Variants in ZNF528 observed in about 807,000 individuals in gnomAD.
ZNF528 encodes the protein zinc finger protein 528.
Under a neutral mutation model 13.3 loss-of-function variants are expected in ZNF528, and 9 were observed. The observed-to-expected ratio is 0.67, with a 90% CI of 0.41 to 1.18. The LOEUF (loss-of-function observed/expected upper bound fraction) is 1.18, where lower values mean the gene tolerates loss of function less well. ZNF528 is among the 50% of genes most tolerant of loss of function. The pLI is 0.01. For synonymous variants in ZNF528, 264 were observed against 254.3 expected (o/e 1.04, Z -0.36); for missense variants, 858 against 745.4 (o/e 1.15, Z -1.76).
chr19:52,406,171 C>G, intron 5 of ZNF528, 138 bp downstream of exon 5: 1 of 1,168,832 alleles, frequency 8.6e-7, no homozygotes, highest in Non-Finnish European at 1.2e-6. Flanking sequence ...AACTGTATTA[C>G]ACTTTCTGGA....
chr19:52,412,122 T>C (rs2058938499), intron 6 of ZNF528: 1 of 152,196 alleles, frequency 6.6e-6, no homozygotes, highest in South Asian at 2.1e-4. Flanking sequence ...AGGCTATGGA[T>C]TGGGATAGAT....
At position 52,415,738 on chromosome 19, in the gene ZNF528, C is replaced by G. The variant is rs1228967191; in HGVS notation, c.886C>G (p.Pro296Ala). 2.5e-6 allele frequency: 4 copies of G among 1,613,980 alleles called. No homozygotes were observed. Among genetic ancestry groups the G allele is most frequent in the African/African-American group, 1.3e-5 (1 of 74,928 alleles). ...TCAAAGAATTCATACTGGAGAGAAG[C>G]CTTACAAATGTCATGAATGTGACAA... ...QHQRIHTGEKPYKCHECDKVF... is the reference protein window; with the variant it reads ...QHQRIHTGEKAYKCHECDKVF... The change falls in exon 7 of 7, where the codon CCT becomes GCT. Residue 296 changes from proline (P) to alanine (A), a missense_variant. Coordinates refer to ENST00000360465, the MANE Select transcript of ZNF528 (RefSeq NM_032423.3).
At chr19:52,399,986 C>T (rs1289129913) in intron 2 of ZNF528, among the ~76,000 whole-genome samples, 1 of 152,020 alleles carries the variant, frequency 6.6e-6, no homozygotes, top group African/African-American at 2.4e-5. Flanking sequence ...CTGTCTCAAA[C>T]AGTAAGGGGA....
intron 6 of ZNF528, 130 bp from the exon 7 acceptor site, chr19:52,414,994 C>T: frequency 6.5e-7 from 1 of 1,549,158 alleles, no homozygotes; most frequent in Non-Finnish European, 8.7e-7. Context: ...GCACTGCCAG[C>T]ATGATACACA....
In ZNF528 at chr19:52,415,520, G is replaced by A; in HGVS notation, c.668G>A (p.Ser223Asn). 6.2e-7 allele frequency: 1 copy of A among 1,614,184 alleles called. No homozygotes were observed. The highest frequency in any genetic ancestry group is 8.5e-7 in the Non-Finnish European group (1 of 1,180,036). Reference protein sequence around the residue: ...YKCSECGKVFSCSSKLVIHRR... With the variant: ...YKCSECGKVFNCSSKLVIHRR... ...TGCAGTGAATGTGGCAAGGTCTTTA[G>A]TTGCAGTTCAAAGCTTGTGATACAT... is the stretch of plus-strand genomic sequence containing the variant. Residue 223 changes from serine to asparagine, a missense_variant, in exon 7 of 7, where the codon AGT becomes AAT. Transcript: ENST00000360465.
rs146381631 is a variant in ZNF528 at position 52,416,371 on chromosome 19, A to T, written c.1519A>T (p.Asn507Tyr). ...RCGKVFSRSS[N>Y]LVCHQKIHTG... Reference sequence around the variant, plus strand: ...TGGCAAGGTCTTCAGTCGCAGTTCAAACCTGGTATGCCATCAGAAAATTCA... The same window carrying T: ...TGGCAAGGTCTTCAGTCGCAGTTCATACCTGGTATGCCATCAGAAAATTCA... The change falls in exon 7 of 7, where the codon AAC becomes TAC. Residue 507 changes from asparagine to tyrosine, a missense_variant. Transcript: ENST00000360465. The T allele has an allele frequency of 8.0e-3, 12,839 of 1,614,028 alleles. 80 individuals are homozygous for T. Among genetic ancestry groups the T allele is most frequent in the Non-Finnish European group, 9.0e-3 (10,583 of 1,179,950 alleles).
intron 2 of ZNF528, among the ~76,000 whole-genome samples, chr19:52,399,398 G>C (rs781226718): frequency 2.0e-5 from 3 of 152,150 alleles, no homozygotes; most frequent in Non-Finnish European, 2.9e-5. Context: ...GATCACTTGA[G>C]GTCAGGAGTT....
Position 52,416,241 on chromosome 19 carries a change from A to G in ZNF528, c.1389A>G (p.Lys463=). The G allele has an allele frequency of 1.2e-6, 2 of 1,613,796 alleles. No homozygotes were observed. The highest frequency in any genetic ancestry group is 1.3e-5 in the African/African-American group (1 of 74,994). Residue 463 remains lysine (K), a synonymous_variant, in exon 7 of 7, where the codon AAA becomes AAG. Transcript: ENST00000360465. ...TAHFLIHSGE[K]PYECKECGKV... ...ATTTTCTAATCCATAGTGGAGAGAA[A>G]CCTTATGAATGTAAAGAATGTGGCA...
chr19:52,406,101 C>G, intron 5 of ZNF528, 68 bp downstream of exon 5: 1 of 1,517,594 alleles, frequency 6.6e-7, no homozygotes, highest in Non-Finnish European at 8.9e-7. Context: ...TCTTATATGC[C>G]TCTTGGGAGC....
chr19:52,416,680 T>G lies in ZNF528; in HGVS notation c.1828T>G (p.Cys610Gly). The G allele has an allele frequency of 1.2e-6, 2 of 1,612,740 alleles. No homozygotes were observed. The highest frequency in any genetic ancestry group is 4.5e-5 in the East Asian group (2 of 44,816). ...IGEKPYKCTLCSKVFSHNSDL... is the reference protein window; with the variant it reads ...IGEKPYKCTLGSKVFSHNSDL... Reference sequence around the variant, plus strand: ...AGAGAAACCTTACAAATGCACCCTGTGCAGTAAGGTCTTCAGTCACAATTC... The same window carrying G: ...AGAGAAACCTTACAAATGCACCCTGGGCAGTAAGGTCTTCAGTCACAATTC... The change falls in exon 7 of 7, where the codon TGC (cysteine) becomes GGC (glycine). Residue 610 changes from cysteine to glycine, a missense_variant. Physicochemically the swap from Cys to Gly is radical, Grantham distance 159. Coordinates refer to ENST00000360465, the MANE Select transcript of ZNF528 (RefSeq NM_032423.3).
At position 52,416,149 on chromosome 19, in the gene ZNF528, G is replaced by A. The variant is rs559133339; in HGVS notation, c.1297G>A (p.Asp433Asn). 1.2e-6 allele frequency: 2 copies of A among 1,614,038 alleles called. No homozygotes were observed. Among genetic ancestry groups the A allele is most frequent in the South Asian group, 2.2e-5 (2 of 91,042 alleles). Residue 433 changes from aspartate to asparagine, a missense_variant, in exon 7 of 7, where the codon GAT (aspartate) becomes AAT (asparagine). Coordinates refer to ENST00000360465, the MANE Select transcript of ZNF528 (RefSeq NM_032423.3). The part of the protein sequence containing the change: ...DLIRHRKTHT[D>N]EKPYKCNKCG... ...TATACGACATCGAAAAACTCATACT[G>A]ATGAGAAGCCTTACAAATGTAATAA...
intron 6 of ZNF528, chr19:52,412,448 C>T (rs1013714140): frequency 6.6e-6 from 1 of 152,186 alleles, no homozygotes; most frequent in Non-Finnish European, 1.5e-5. Flanking sequence ...ACTGTTATTT[C>T]TCTTGACTGG....
At chr19:52,406,063 A>T in intron 5 of ZNF528, 30 bp downstream of exon 5, 1 of 1,597,552 alleles carries the variant, frequency 6.3e-7, no homozygotes, top group Non-Finnish European at 8.5e-7. Flanking sequence ...AGAAGCCGGG[A>T]TCTGCCCTGG....
chr19:52,406,399 A>C, intron 5 of ZNF528, 116 bp from the exon 6 acceptor site: 1 of 1,432,778 alleles, frequency 7.0e-7, no homozygotes. Context: ...CAGTCAGTAG[A>C]TGAATTTGTG....
chr19:52,410,980 G>A (rs12460101), intron 6 of ZNF528, among the ~76,000 whole-genome samples: 2,651 of 152,250 alleles, frequency 0.017, 86 homozygotes, highest in African/African-American at 0.061. Flanking sequence ...ACTCCTCTCC[G>A]TAACAATATT....
chr19:52,414,455 A>G (rs1054013203), intron 6 of ZNF528: 6 of 602,362 alleles, frequency 1.0e-5, no homozygotes, highest in Admixed American at 2.9e-5. Context: ...TATTGGGTAA[A>G]GGAGATGGTG....
chr19:52,405,666 A>ATT (rs71180458), intron 4 of ZNF528, among the ~76,000 whole-genome samples: 3 of 151,502 alleles, frequency 2.0e-5, no homozygotes, highest in South Asian at 2.1e-4. Flanking sequence ...CCCTGGATTA[A>ATT]TTTTTTTTGT....
chr19:52,410,184 A>G (rs2058912772), intron 6 of ZNF528, among the ~76,000 whole-genome samples: 1 of 152,236 alleles, frequency 6.6e-6, no homozygotes, highest in Non-Finnish European at 1.5e-5. Context: ...TGCCACCTGC[A>G]TGGACCTTGG....
chr19:52,417,131 G>T lies in ZNF528; in HGVS notation c.*392G>T. The T allele has an allele frequency of 4.2e-6, 1 of 239,254 alleles. No individual in the cohort carries two copies. The highest frequency in any genetic ancestry group is 5.6e-5 in the South Asian group (1 of 17,852). 14.8% of individuals were successfully genotyped at this position (239,254 alleles called of 1,614,324 possible). Reference sequence around the variant, plus strand: ...TGACCAGTTTTATTCAGGCTATAAAGCATTCAATTATTTGGGGCTTATAGA... The same window carrying T: ...TGACCAGTTTTATTCAGGCTATAAATCATTCAATTATTTGGGGCTTATAGA... On this transcript the variant is annotated 3_prime_UTR_variant, in exon 7 of 7. Coordinates refer to ENST00000360465, the MANE Select transcript of ZNF528 (RefSeq NM_032423.3).
Sources: allele counts gnomAD v4.1 joint callset (sites outside exome capture counted in the v4.1 genomes callset), GRCh38; gene constraint gnomAD v4.1.1; transcripts MANE v1.5; gene names NCBI Gene and HGNC (gene_info 2026-07-23, HGNC 2026-07-21).